DIP2B: variants seen among roughly 807,000 people sequenced by gnomAD.
The protein encoded by DIP2B is disco-interacting protein 2 homolog B.
DIP2B carries 76 observed loss-of-function variants against 198.0 expected under a neutral mutation model. The ratio of observed to expected loss-of-function variants is 0.38; its 90% CI spans 0.32 to 0.46. The LOEUF is 0.46. DIP2B is among the 20% of genes least tolerant of loss of function. The pLI, the probability that DIP2B is intolerant of heterozygous loss-of-function variation, is 0.99. For synonymous variants in DIP2B, 701 were observed against 739.1 expected, an observed-to-expected ratio of 0.95 and a Z score of 0.84; for missense variants, 1,559 against 1,978.4, an observed-to-expected ratio of 0.79 and a Z score of 4.02.
At chr12:50,734,949 A>G in intron 33 of DIP2B, 124 bp from the exon 34 acceptor site, 1 of 1,183,356 alleles carries the variant, frequency 8.5e-7, no homozygotes, top group South Asian at 1.3e-5. Flanking sequence ...AGTTTGAGAA[A>G]CCCCTCTGTA....
At chr12:50,513,566 T>G (rs1022692355) in intron 1 of DIP2B, among the ~76,000 whole-genome samples, 4 of 152,178 alleles carry the variant, frequency 2.6e-5, no homozygotes, top group Non-Finnish European at 5.9e-5. Context: ...TATCCTTCCT[T>G]TTAGTTCCTC....
At chr12:50,516,241 C>CTCTCTCTATCTCTATCTCTA (rs1555180929) in intron 1 of DIP2B, among the ~76,000 whole-genome samples, 6 of 140,998 alleles carry the variant, frequency 4.3e-5, no homozygotes, top group African/African-American at 1.7e-4. Context: ...CTCTCTCTCT[C>CTCTCTCTATCTCTATCTCTA]TCTCTATCTC....
rs142404987 is a variant in DIP2B, at chr12:50,736,873, A to G, written c.4102-163A>G. On this transcript the variant is annotated intron_variant, in intron 34 of 37. Coordinates refer to ENST00000301180, the MANE Select transcript of DIP2B (RefSeq NM_173602.3). ...GAAGGTTCAGTGAGAGCAAGACACA[A>G]GGTCTCTGCCATGATCCCCTCAGGG... is the stretch of plus-strand genomic sequence containing the variant. Among the ~76,000 whole-genome samples the G allele has an allele frequency of 8.2e-4, 125 of 152,276 alleles. 2 individuals carry two copies. Among genetic ancestry groups the G allele is most frequent in the African/African-American group, 2.7e-3 (111 of 41,560 alleles).
intron 36 of DIP2B, among the ~76,000 whole-genome samples, chr12:50,740,864 TC>T (rs1264841247): frequency 6.6e-6 from 1 of 152,124 alleles, no homozygotes; most frequent in Admixed American, 6.6e-5. Flanking sequence ...CCTCTGTCCC[TC>T]CCCTCTGGCT....
intron 2 of DIP2B, among the ~76,000 whole-genome samples, chr12:50,630,843 G>T (rs1938037433): frequency 6.6e-6 from 1 of 151,406 alleles, no homozygotes; most frequent in South Asian, 2.1e-4. Context: ...GGCTAATTTT[G>T]TAGTTTTAGT....
intron 17 of DIP2B, 36 bp from the exon 18 acceptor site, chr12:50,698,291 AT>A (rs765996613): frequency 1.3e-6 from 2 of 1,586,428 alleles, no homozygotes; most frequent in Non-Finnish European, 1.7e-6. Flanking sequence ...CCTTGATGTT[AT>A]TTCATTCACC....
intron 2 of DIP2B, among the ~76,000 whole-genome samples, chr12:50,630,992 A>C (rs1565851232): frequency 6.6e-6 from 1 of 151,674 alleles, no homozygotes; most frequent in Non-Finnish European, 1.5e-5. Context: ...CTTATCTTAC[A>C]TTTTAGTATC....
chr12:50,723,295 C>T lies in DIP2B; in HGVS notation c.3260C>T (p.Thr1087Met), dbSNP rs778799678. ...CCACATGCTCAGAACCTCACGGCCA[C>T]GCTGCCCACTGTCCGAATGATTGTT... ...RPPHAQNLTA[T>M]LPTVRMIVDV... The change falls in exon 27 of 38, where the codon ACG becomes ATG. Residue 1087 changes from threonine (T) to methionine (M), a missense_variant. Thr to Met is a moderately conservative substitution (Grantham distance 81, BLOSUM62 -1). Transcript: ENST00000301180. 11 of 1,614,156 alleles carry T rather than the reference C, an allele frequency of 6.8e-6. No individual in the cohort carries two copies. The highest frequency in any genetic ancestry group is 4.5e-5 in the East Asian group (2 of 44,880).
chr12:50,505,366 T>A, intron 1 of DIP2B, 126 bp downstream of exon 1: 1 of 698,680 alleles, frequency 1.4e-6, no homozygotes, highest in Non-Finnish European at 2.2e-6. Context: ...GAACCTGGCC[T>A]GGCGCTCCAC....
intron 4 of DIP2B, among the ~76,000 whole-genome samples, chr12:50,670,436 G>T (rs1244856966): frequency 6.6e-6 from 1 of 151,994 alleles, no homozygotes; most frequent in East Asian, 1.9e-4. Context: ...TTGTTTTTGA[G>T]TTGGAGTCTC....
chr12:50,645,353 A>G (rs968412856), intron 3 of DIP2B, among the ~76,000 whole-genome samples: 3 of 152,230 alleles, frequency 2.0e-5, no homozygotes, highest in Admixed American at 2.0e-4. Context: ...AGTATTGTGT[A>G]TAATACAATG....
At chr12:50,606,212 C>T (rs1416414669) in intron 1 of DIP2B, among the ~76,000 whole-genome samples, 1 of 152,064 alleles carries the variant, frequency 6.6e-6, no homozygotes, top group African/African-American at 2.4e-5. Context: ...GCCACAAGTT[C>T]TGGGCACAAG....
intron 7 of DIP2B, 145 bp downstream of exon 7, chr12:50,675,593 T>C (rs1243900839): frequency 1.3e-6 from 1 of 786,740 alleles, no homozygotes; most frequent in East Asian, 2.8e-5. Context: ...CTTTTTTCCC[T>C]AATGATTATC....
At chr12:50,643,093 T>C (rs1938287735) in intron 3 of DIP2B, among the ~76,000 whole-genome samples, 1 of 151,362 alleles carries the variant, frequency 6.6e-6, no homozygotes, top group Non-Finnish European at 1.5e-5. Context: ...TCTTTGTTTT[T>C]ATAGCATGTA....
At chr12:50,623,124 C>G (rs1937847587) in intron 1 of DIP2B, among the ~76,000 whole-genome samples, 1 of 151,902 alleles carries the variant, frequency 6.6e-6, no homozygotes, top group Admixed American at 6.6e-5. Flanking sequence ...TGGCTCACAC[C>G]TGTAATTCTA....
At chr12:50,705,085 A>C (rs985998057) in intron 20 of DIP2B, among the ~76,000 whole-genome samples, 1 of 152,224 alleles carries the variant, frequency 6.6e-6, no homozygotes, top group African/African-American at 2.4e-5. Context: ...AGAGGATGGC[A>C]GAGATCTAGG....
chr12:50,744,616 T>C lies in DIP2B; in HGVS notation c.4508T>C (p.Val1503Ala). ...GTGTTCACATGGACCAACTTGCTTG[T>C]GGTGGTTGTGGAACTGTGCGGCTCT... ...CAVFTWTNLL[V>A]VVVELCGSEQ... Residue 1503 changes from valine (V) to alanine (A), a missense_variant, in exon 38 of 38, where the codon GTG becomes GCG. Coordinates refer to ENST00000301180, the MANE Select transcript of DIP2B (RefSeq NM_173602.3). The C allele has an allele frequency of 6.2e-7, 1 of 1,614,048 alleles. No individual in the cohort carries two copies. Among genetic ancestry groups the C allele is most frequent in the East Asian group, 2.2e-5 (1 of 44,862 alleles).
At chr12:50,600,783 AT>A (rs1264235424) in intron 1 of DIP2B, among the ~76,000 whole-genome samples, 3 of 152,024 alleles carry the variant, frequency 2.0e-5, no homozygotes, top group African/African-American at 4.8e-5. Flanking sequence ...CAATTCATTG[AT>A]TTGCATAGCT....
intron 12 of DIP2B, among the ~76,000 whole-genome samples, chr12:50,687,329 A>G (rs909378567): frequency 1.3e-5 from 2 of 152,206 alleles, no homozygotes; most frequent in South Asian, 2.1e-4. Flanking sequence ...CAAAGGCCAC[A>G]TGACTCAAAA....
Sources: allele counts gnomAD v4.1 joint callset (sites outside exome capture counted in the v4.1 genomes callset), GRCh38; gene constraint gnomAD v4.1.1; transcripts MANE v1.5; gene names NCBI Gene and HGNC (gene_info 2026-07-23, HGNC 2026-07-21).